NUBPL: variants seen among roughly 807,000 people sequenced by gnomAD.
The protein encoded by NUBPL is iron-sulfur cluster transfer protein NUBPL.
Under a neutral mutation model 45.7 loss-of-function variants are expected in NUBPL, and 31 were observed. The ratio of observed to expected loss-of-function variants is 0.68; its 90% CI spans 0.51 to 0.92. NUBPL has a LOEUF of 0.92. Ranked by LOEUF, NUBPL falls within the 40% of genes least tolerant of loss-of-function variation. NUBPL has a pLI of 0.00. For missense variants in NUBPL, 401 were observed against 398.7 expected (o/e 1.01, Z -0.05); for synonymous variants, 144 against 140.9 (o/e 1.02, Z -0.15).
chr14:31,598,712 TTGC>T (rs2034347798), intron 3 of NUBPL, among the ~76,000 whole-genome samples: 1 of 152,214 alleles, frequency 6.6e-6, no homozygotes, highest in Admixed American at 6.5e-5. Flanking sequence ...TAATTGTGAC[TTGC>T]ATATAAGAGG....
chr14:31,566,422 G>A (rs2139448462), intron 3 of NUBPL, among the ~76,000 whole-genome samples: 1 of 152,244 alleles, frequency 6.6e-6, no homozygotes, highest in South Asian at 2.1e-4. Flanking sequence ...TCTAGAAAGA[G>A]AAGATTCAAA....
intron 4 of NUBPL, among the ~76,000 whole-genome samples, chr14:31,641,696 A>C (rs1322258480): frequency 6.6e-6 from 1 of 152,222 alleles, no homozygotes; most frequent in African/African-American, 2.4e-5. Context: ...ATATATACCC[A>C]GCAGTCAAAT....
At chr14:31,570,426 G>T (rs1396102618) in intron 3 of NUBPL, among the ~76,000 whole-genome samples, 1 of 152,164 alleles carries the variant, frequency 6.6e-6, no homozygotes, top group Non-Finnish European at 1.5e-5. Context: ...TATATTCAGT[G>T]TCAAATATAG....
At chr14:31,839,849 A>G (rs1290837908) in intron 8 of NUBPL, among the ~76,000 whole-genome samples, 2 of 152,226 alleles carry the variant, frequency 1.3e-5, no homozygotes, top group African/African-American at 4.8e-5. Flanking sequence ...AAATGCTAGT[A>G]TCACTAATCA....
At chr14:31,720,333 A>G (rs1270616965) in intron 6 of NUBPL, among the ~76,000 whole-genome samples, 2 of 152,178 alleles carry the variant, frequency 1.3e-5, no homozygotes, top group African/African-American at 2.4e-5. Flanking sequence ...TACTCATCTT[A>G]TGGTTAAAAA....
At chr14:31,852,461 AG>A (rs1445281521) in intron 10 of NUBPL, among the ~76,000 whole-genome samples, 5 of 152,110 alleles carry the variant, frequency 3.3e-5, no homozygotes, top group African/African-American at 1.2e-4. Flanking sequence ...TCACGAGGTC[AG>A]GAGTTTGAGA....
intron 4 of NUBPL, among the ~76,000 whole-genome samples, chr14:31,612,253 T>C (rs962972409): frequency 1.3e-5 from 2 of 152,218 alleles, no homozygotes; most frequent in African/African-American, 2.4e-5. Flanking sequence ...CAACCTGATA[T>C]AAGGAGCTCA....
chr14:31,607,256 G>A (rs917334508), intron 4 of NUBPL, among the ~76,000 whole-genome samples: 2 of 151,986 alleles, frequency 1.3e-5, no homozygotes, highest in Non-Finnish European at 1.5e-5. Flanking sequence ...GGTGGTGTAT[G>A]CCTGTAGTCC....
In NUBPL at chr14:31,673,375, T is replaced by C. The variant is rs2036620748; in HGVS notation, c.403T>C (p.Leu135=). ...LSQSNLMRPL[L]NYGIACMSMG... ...TCCAGGCAACCTAATGAGGCCTCTC[T>C]TGAATTATGGTATTGCTTGGTGAGC... The change falls in exon 5 of 11, where the codon TTG becomes CTG. Residue 135 remains leucine, a synonymous_variant. Coordinates refer to ENST00000281081, the MANE Select transcript of NUBPL (RefSeq NM_025152.3). 5 of 1,608,384 alleles carry C rather than the reference T, an allele frequency of 3.1e-6. No homozygotes were observed. The South Asian group carries it at 4.4e-5, about 14-fold the overall frequency.
intron 3 of NUBPL, among the ~76,000 whole-genome samples, chr14:31,567,527 T>C (rs539050169): frequency 1.6e-4 from 24 of 152,350 alleles, no homozygotes; most frequent in Admixed American, 9.1e-4. Context: ...CTTTGACTAT[T>C]TTTCACATTG....
At chr14:31,833,060 C>T (rs1215005249) in intron 8 of NUBPL, among the ~76,000 whole-genome samples, 3 of 151,944 alleles carry the variant, frequency 2.0e-5, no homozygotes, top group African/African-American at 7.3e-5. Context: ...TTTAACTAAT[C>T]CCTTTAGTTG....
chr14:31,648,470 G>T (rs79657066), intron 4 of NUBPL, among the ~76,000 whole-genome samples: 221 of 152,244 alleles, frequency 1.5e-3, no homozygotes, highest in Middle Eastern at 0.014. Context: ...CTATGTTTAT[G>T]ATGTAAAGTA....
At chr14:31,578,692 CT>C (rs1344829339) in intron 3 of NUBPL, among the ~76,000 whole-genome samples, 1 of 152,214 alleles carries the variant, frequency 6.6e-6, no homozygotes, top group Non-Finnish European at 1.5e-5. Context: ...AAATGGATTG[CT>C]GAAGAAGCTT....
At chr14:31,717,880 C>G (rs1162147466) in intron 6 of NUBPL, among the ~76,000 whole-genome samples, 1 of 151,884 alleles carries the variant, frequency 6.6e-6, no homozygotes, top group Non-Finnish European at 1.5e-5. Flanking sequence ...TTTTCTGTTT[C>G]CATGGAAATG....
intron 6 of NUBPL, among the ~76,000 whole-genome samples, chr14:31,719,026 C>CA (rs2037750087): frequency 6.6e-6 from 1 of 152,074 alleles, no homozygotes; most frequent in African/African-American, 2.4e-5. Flanking sequence ...CCTAACCTAC[C>CA]AAAAATCACA....
intron 3 of NUBPL, among the ~76,000 whole-genome samples, chr14:31,592,262 A>G (rs2034162200): frequency 2.0e-5 from 3 of 152,202 alleles, no homozygotes; most frequent in African/African-American, 7.2e-5. Context: ...AAGAAGTGGA[A>G]TGGAGTAATA....
intron 6 of NUBPL, among the ~76,000 whole-genome samples, chr14:31,706,235 A>C (rs4981116): frequency 6.6e-6 from 1 of 151,906 alleles, no homozygotes; most frequent in African/African-American, 2.4e-5. Context: ...GGATAGGGGC[A>C]AAGAAGGGGC....
intron 8 of NUBPL, chr14:31,843,854 G>A (rs2040413349): frequency 6.6e-6 from 1 of 152,170 alleles, no homozygotes; most frequent in Admixed American, 6.5e-5. Context: ...TGCTTCCAGA[G>A]AAGCCATTCC....
intron 4 of NUBPL, among the ~76,000 whole-genome samples, chr14:31,670,984 A>G (rs1302781806): frequency 2.0e-5 from 3 of 152,162 alleles, no homozygotes; most frequent in Non-Finnish European, 2.9e-5. Flanking sequence ...TGAATTTTAA[A>G]ATAGTTTTTT....
Sources: allele counts gnomAD v4.1 joint callset (sites outside exome capture counted in the v4.1 genomes callset), GRCh38; gene constraint gnomAD v4.1.1; transcripts MANE v1.5; gene names NCBI Gene and HGNC (gene_info 2026-07-23, HGNC 2026-07-21).